Variants in AGBL1 observed in about 807,000 individuals in gnomAD.
The protein encoded by AGBL1 is AGBL carboxypeptidase 1.
A neutral mutation model predicts 118.9 loss-of-function variants in AGBL1; 130 were observed. The observed-to-expected ratio is 1.09, with a 90% confidence interval of 0.95 to 1.26. The LOEUF (loss-of-function observed/expected upper bound fraction) is 1.26, where lower values mean the gene tolerates loss of function less well. Among genes scored for constraint, AGBL1 ranks in the 50% most tolerant of loss-of-function variants. The pLI, the probability that AGBL1 is intolerant of heterozygous loss-of-function variation, is 0.00. For missense variants in AGBL1, 1,584 were observed against 1,298.1 expected (o/e 1.22, Z -3.38); for synonymous variants, 555 against 478.9 (o/e 1.16, Z -2.08).
intron 24 of AGBL1, among the ~76,000 whole-genome samples, chr15:87,002,701 G>T (rs1008099218): frequency 2.6e-5 from 4 of 152,134 alleles, no homozygotes; most frequent in African/African-American, 9.7e-5. Flanking sequence ...CACATCCCTT[G>T]GAAGTTGGAT....
At chr15:86,367,773 T>C (rs941037469) in intron 17 of AGBL1, among the ~76,000 whole-genome samples, 3 of 152,164 alleles carry the variant, frequency 2.0e-5, no homozygotes, top group Non-Finnish European at 2.9e-5. Context: ...ACAGATGACG[T>C]TGGTAGATAA....
intron 22 of AGBL1, among the ~76,000 whole-genome samples, chr15:86,829,115 A>G (rs141868943): frequency 0.011 from 1,601 of 152,148 alleles, 19 homozygotes; most frequent in Middle Eastern, 0.041. Flanking sequence ...GATAATCTCA[A>G]CAGAGCCTCG....
intron 1 of AGBL1, among the ~76,000 whole-genome samples, chr15:86,087,471 G>T (rs147732296): frequency 1.3e-5 from 2 of 152,066 alleles, no homozygotes; most frequent in African/African-American, 4.8e-5. Flanking sequence ...TGGGATTATA[G>T]GTGCACACCA....
chr15:86,962,456 G>GA (rs1030028451), intron 23 of AGBL1, among the ~76,000 whole-genome samples: 7 of 151,782 alleles, frequency 4.6e-5, no homozygotes, highest in South Asian at 4.2e-4. Flanking sequence ...GTCTTTAAAA[G>GA]AAAAAAATCT....
chr15:86,544,614 C>A (rs2142249030), intron 19 of AGBL1, among the ~76,000 whole-genome samples: 1 of 152,168 alleles, frequency 6.6e-6, no homozygotes, highest in East Asian at 1.9e-4. Flanking sequence ...AGGGGAATTC[C>A]CCTTTATAAA....
At chr15:86,538,639 A>G (rs957817649) in intron 19 of AGBL1, among the ~76,000 whole-genome samples, 3 of 152,186 alleles carry the variant, frequency 2.0e-5, no homozygotes, top group Non-Finnish European at 1.5e-5. Context: ...CATATTCTCA[A>G]ATATATCTCC....
At chr15:86,254,526 G>A (rs562235467) in intron 7 of AGBL1, among the ~76,000 whole-genome samples, 6 of 152,304 alleles carry the variant, frequency 3.9e-5, no homozygotes, top group African/African-American at 9.6e-5. Flanking sequence ...TAACTGTGAC[G>A]GAAGCATTGA....
intron 21 of AGBL1, among the ~76,000 whole-genome samples, chr15:86,579,076 C>A (rs1056413630): frequency 6.6e-6 from 1 of 152,108 alleles, no homozygotes; most frequent in Non-Finnish European, 1.5e-5. Flanking sequence ...GATGTGAAAA[C>A]CTAGATGAAA....
chr15:86,551,859 A>T (rs1419108631), intron 20 of AGBL1, among the ~76,000 whole-genome samples: 1 of 152,248 alleles, frequency 6.6e-6, no homozygotes, highest in Admixed American at 6.5e-5. Flanking sequence ...CCTTAAATGG[A>T]TATTACTAAG....
chr15:86,261,210 C>G (rs1798479396), intron 9 of AGBL1, among the ~76,000 whole-genome samples: 1 of 152,264 alleles, frequency 6.6e-6, no homozygotes, highest in East Asian at 1.9e-4. Context: ...TCAGATGCAC[C>G]AGTTGGAGCA....
intron 24 of AGBL1, chr15:86,988,174 G>GA: frequency 6.7e-7 from 1 of 1,488,212 alleles, no homozygotes. Context: ...ATTGGGACTG[G>GA]ACAAAGAGAA....
chr15:86,971,717 T>C (rs2141704359), intron 23 of AGBL1, among the ~76,000 whole-genome samples: 1 of 152,126 alleles, frequency 6.6e-6, no homozygotes, highest in South Asian at 2.1e-4. Flanking sequence ...TTTCATTCTT[T>C]GGCCAGCTGA....
At chr15:86,670,281 A>G (rs570660529) in intron 21 of AGBL1, among the ~76,000 whole-genome samples, 1 of 152,152 alleles carries the variant, frequency 6.6e-6, no homozygotes, top group East Asian at 1.9e-4. Flanking sequence ...TGCCAGTTTC[A>G]GCATGAGGGT....
chr15:86,164,017 A>G (rs2077303266), intron 5 of AGBL1, among the ~76,000 whole-genome samples: 1 of 152,226 alleles, frequency 6.6e-6, no homozygotes, highest in Non-Finnish European at 1.5e-5. Context: ...ATTCTGAGAG[A>G]CTGCGAAGCA....
chr15:86,756,956 T>C (rs563279262), intron 22 of AGBL1, among the ~76,000 whole-genome samples: 5 of 151,802 alleles, frequency 3.3e-5, no homozygotes, highest in Admixed American at 2.0e-4. Context: ...TTTTTTTTTT[T>C]TCTCCCCATC....
chr15:86,198,686 G>A (rs2077855720), intron 5 of AGBL1, among the ~76,000 whole-genome samples: 1 of 151,418 alleles, frequency 6.6e-6, no homozygotes, highest in African/African-American at 2.4e-5. Context: ...CTCTCTTTCT[G>A]TGTGTGTGTA....
At chr15:86,749,529 C>T (rs2077814110) in intron 22 of AGBL1, among the ~76,000 whole-genome samples, 4 of 151,936 alleles carry the variant, frequency 2.6e-5, no homozygotes, top group South Asian at 4.2e-4. Flanking sequence ...TTGCCCTGGC[C>T]AGAACTTCCA....
chr15:86,539,877 T>G (rs1016642882), intron 19 of AGBL1, among the ~76,000 whole-genome samples: 31 of 152,318 alleles, frequency 2.0e-4, no homozygotes, highest in Non-Finnish European at 3.7e-4. Flanking sequence ...TTATCTCTAC[T>G]TCAGCTCTTC....
At chr15:86,088,157 G>C (rs998816599) in intron 1 of AGBL1, 1 of 152,296 alleles carries the variant, frequency 6.6e-6, no homozygotes, top group Non-Finnish European at 1.5e-5. Flanking sequence ...CAGTGGGTTA[G>C]ATTTGGCCCA....
Sources: gnomAD v4.1 joint callset for allele counts (sites outside exome capture counted in the v4.1 genomes callset) on GRCh38, gnomAD v4.1.1 for gene constraint, MANE v1.5 for transcripts, NCBI Gene and HGNC (gene_info 2026-07-23, HGNC 2026-07-21) for gene names.